The following HPSE2 variants were observed in gnomAD, a reference collection of about 807,000 sequenced individuals.
The protein encoded by HPSE2 is heparanase 2 (inactive).
In HPSE2, 38 loss-of-function variants were observed where a neutral mutation model predicts 60.5. The ratio of observed to expected loss-of-function variants is 0.63; its 90% confidence interval spans 0.48 to 0.82. The LOEUF (loss-of-function observed/expected upper bound fraction) is 0.82. Ranked by LOEUF, HPSE2 falls within the 40% of genes least tolerant of loss-of-function variation. HPSE2 has a pLI of 0.00. For missense variants in HPSE2, 713 were observed against 740.4 expected, an observed-to-expected ratio of 0.96 and a Z score of 0.43; for synonymous variants, 295 against 293.2, an observed-to-expected ratio of 1.01 and a Z score of -0.06.
At chr10:98,661,003 C>T (rs1385501543) in intron 6 of HPSE2, among the ~76,000 whole-genome samples, 1 of 152,194 alleles carries the variant, frequency 6.6e-6, no homozygotes, top group Non-Finnish European at 1.5e-5. Context: ...CATCTCAGGA[C>T]ACCCACCTTG....
intron 3 of HPSE2, among the ~76,000 whole-genome samples, chr10:99,133,410 A>C (rs550798341): frequency 1.3e-5 from 2 of 152,326 alleles, no homozygotes; most frequent in South Asian, 4.1e-4. Flanking sequence ...CTGCCGCCTC[A>C]AGTGGGTCCC....
chr10:98,641,087 G>A (rs1946625991), intron 7 of HPSE2, among the ~76,000 whole-genome samples: 1 of 151,990 alleles, frequency 6.6e-6, no homozygotes, highest in African/African-American at 2.4e-5. Flanking sequence ...ATCTTACTTG[G>A]CTAATTCTAA....
chr10:98,878,294 A>G (rs1952931376), intron 3 of HPSE2, among the ~76,000 whole-genome samples: 1 of 151,996 alleles, frequency 6.6e-6, no homozygotes, highest in Admixed American at 6.6e-5. Context: ...GGGAGTCATG[A>G]AAGGCCTCCT....
intron 6 of HPSE2, among the ~76,000 whole-genome samples, chr10:98,656,277 G>T (rs1412683828): frequency 2.0e-5 from 3 of 151,986 alleles, no homozygotes; most frequent in Non-Finnish European, 2.9e-5. Flanking sequence ...AGTACAGATG[G>T]GGTTTCACTG....
At chr10:99,078,797 T>C (rs1843033336) in intron 3 of HPSE2, among the ~76,000 whole-genome samples, 1 of 152,190 alleles carries the variant, frequency 6.6e-6, no homozygotes, top group Non-Finnish European at 1.5e-5. Flanking sequence ...AACAGTTACC[T>C]TTCACAGACT....
At chr10:99,264,926 AC>A in the HPSE2 span, among the ~76,000 whole-genome samples, 1 of 149,696 alleles carries the variant, frequency 6.7e-6, no homozygotes, top group Admixed American at 6.7e-5. Context: ...TCTCCATACC[AC>A]CCCCCAAAAT....
At chr10:99,242,248 T>C in the HPSE2 span, among the ~76,000 whole-genome samples, 5 of 152,176 alleles carry the variant, frequency 3.3e-5, no homozygotes, top group African/African-American at 1.2e-4. Context: ...ACTTTGGGGA[T>C]GTTTGTTATT....
intron 3 of HPSE2, among the ~76,000 whole-genome samples, chr10:98,897,779 G>T (rs207471302): frequency 2.0e-5 from 3 of 152,022 alleles, no homozygotes; most frequent in Non-Finnish European, 4.4e-5. Flanking sequence ...GAGACCTTGG[G>T]TTTGGTAATG....
chr10:98,814,609 A>G (rs1266551455), intron 3 of HPSE2, among the ~76,000 whole-genome samples: 3 of 152,222 alleles, frequency 2.0e-5, no homozygotes, highest in African/African-American at 7.2e-5. Flanking sequence ...CCAGAGACAG[A>G]GAAAACAATC....
intron 3 of HPSE2, among the ~76,000 whole-genome samples, chr10:98,970,316 C>T (rs1020230488): frequency 3.3e-5 from 5 of 152,098 alleles, no homozygotes; most frequent in Non-Finnish European, 5.9e-5. Context: ...CAAGAGGTCA[C>T]TTTTCACCAA....
chr10:98,999,276 T>C (rs572458809), intron 3 of HPSE2, among the ~76,000 whole-genome samples: 2 of 152,146 alleles, frequency 1.3e-5, no homozygotes, highest in East Asian at 1.9e-4. Context: ...GGAGGAAATA[T>C]GAGTTTTGCA....
At chr10:98,626,608 G>A (rs912086477) in intron 7 of HPSE2, among the ~76,000 whole-genome samples, 3 of 151,986 alleles carry the variant, frequency 2.0e-5, no homozygotes, top group Admixed American at 6.6e-5. Context: ...AGGAGTATCC[G>A]GAGAAAACCC....
intron 2 of HPSE2, among the ~76,000 whole-genome samples, chr10:99,198,865 T>C (rs1848485862): frequency 6.6e-6 from 1 of 152,180 alleles, no homozygotes. Flanking sequence ...TCCCAGTACC[T>C]GGAAACCACC....
intron 2 of HPSE2, among the ~76,000 whole-genome samples, chr10:99,231,633 C>A (rs903540726): frequency 3.3e-5 from 5 of 152,084 alleles, no homozygotes; most frequent in African/African-American, 1.2e-4. Context: ...TTTTCAAAGC[C>A]CTTCCAACAC....
chr10:98,579,081 G>A (rs563612647), intron 9 of HPSE2, among the ~76,000 whole-genome samples: 1 of 119,506 alleles, frequency 8.4e-6, no homozygotes, highest in Admixed American at 9.3e-5. Flanking sequence ...ATGTCAGTGG[G>A]AATCTCAGCT....
At chr10:99,013,473 G>A in intron 3 of HPSE2, 1 of 418,744 alleles carries the variant, frequency 2.4e-6, no homozygotes, top group Non-Finnish European at 4.6e-6. Context: ...TTATGATTAT[G>A]ATTATTATTA....
At chr10:98,943,286 TTATC>T (rs1213375207) in intron 3 of HPSE2, among the ~76,000 whole-genome samples, 1 of 151,580 alleles carries the variant, frequency 6.6e-6, no homozygotes, top group African/African-American at 2.4e-5. Flanking sequence ...ATAAAAATAA[TTATC>T]TGTGAGAAGA....
chr10:99,265,716 C>T, the HPSE2 span, among the ~76,000 whole-genome samples: 1 of 152,190 alleles, frequency 6.6e-6, no homozygotes, highest in African/African-American at 2.4e-5. Context: ...AGAACTACCA[C>T]AGGAACATAC....
intron 5 of HPSE2, among the ~76,000 whole-genome samples, chr10:98,698,637 A>G (rs1327387277): frequency 2.0e-5 from 3 of 151,998 alleles, no homozygotes; most frequent in African/African-American, 2.4e-5. Context: ...AAATAACTAA[A>G]ATCAGAGCAG....
Sources: gnomAD v4.1 joint callset for allele counts (sites outside exome capture counted in the v4.1 genomes callset) on GRCh38, gnomAD v4.1.1 for gene constraint, MANE v1.5 for transcripts, NCBI Gene and HGNC (gene_info 2026-07-23, HGNC 2026-07-21) for gene names.